ARHGAP22: variants seen among roughly 807,000 people sequenced by gnomAD.
ARHGAP22 encodes Rho GTPase activating protein 22.
Under a neutral mutation model 59.1 loss-of-function variants are expected in ARHGAP22, and 48 were observed. The observed-to-expected ratio is 0.81, with a 90% CI of 0.64 to 1.03. The LOEUF (loss-of-function observed/expected upper bound fraction) is 1.03. Among genes scored for constraint, ARHGAP22 ranks in the 50% least tolerant of loss-of-function variants. The probability of loss-of-function intolerance (pLI) is 0.00; values close to 1 mark genes in which losing one functional copy is unlikely to be tolerated. For synonymous variants in ARHGAP22, 445 were observed against 416.4 expected (o/e 1.07, Z -0.84); for missense variants, 1,015 against 958.7 (o/e 1.06, Z -0.78).
intron 6 of ARHGAP22, 60 bp from the exon 7 acceptor site, chr10:48,454,221 C>A: frequency 6.8e-7 from 1 of 1,474,964 alleles, no homozygotes; most frequent in Non-Finnish European, 9.5e-7. Context: ...TGTTCTCTGA[C>A]TGCGAGGAGG....
At chr10:48,537,829 A>C (rs1014586155) in intron 3 of ARHGAP22, among the ~76,000 whole-genome samples, 6 of 152,152 alleles carry the variant, frequency 3.9e-5, no homozygotes, top group African/African-American at 1.2e-4. Context: ...TGCTGCATGG[A>C]TGGAGGTGCT....
At position 48,479,660 on chromosome 10, in the gene ARHGAP22, C is replaced by T; in HGVS notation, c.427G>A (p.Val143Ile). Residue 143 changes from valine (V) to isoleucine (I), a missense_variant, in exon 4 of 10, where the codon GTC becomes ATC. Transcript: ENST00000249601. Reference protein sequence around the residue: ...MEDWVQAIRRVIWAPLGGGIF... With the variant: ...MEDWVQAIRRIIWAPLGGGIF... ...CCTCCGCCCAGCGGGGCCCAGATGA[C>T]TCGGCGGATGGCCTGCACCCAGTCC... 3 of 1,613,656 alleles carry T rather than the reference C, an allele frequency of 1.9e-6. No homozygotes were observed. The highest frequency in any genetic ancestry group is 2.5e-6 in the Non-Finnish European group (3 of 1,179,934).
At chr10:48,534,138 G>T (rs1454780942) in intron 3 of ARHGAP22, among the ~76,000 whole-genome samples, 5 of 152,370 alleles carry the variant, frequency 3.3e-5, no homozygotes, top group Admixed American at 1.3e-4. Flanking sequence ...CCCAGCTCGG[G>T]CCAATGGGCC....
intron 1 of ARHGAP22, among the ~76,000 whole-genome samples, chr10:48,649,625 C>A (rs545131158): frequency 6.6e-6 from 1 of 152,146 alleles, no homozygotes; most frequent in Non-Finnish European, 1.5e-5. Flanking sequence ...CCAGGCAGAC[C>A]AGTGGTCTGA....
the ARHGAP22 span, chr10:48,431,195 T>C: frequency 1.9e-6 from 3 of 1,596,672 alleles, no homozygotes; most frequent in Admixed American, 1.7e-5. Flanking sequence ...TTTTACAGAA[T>C]TGATATATAA....
At chr10:48,542,058 G>A (rs780183301) in intron 3 of ARHGAP22, among the ~76,000 whole-genome samples, 51 of 152,198 alleles carry the variant, frequency 3.4e-4, no homozygotes, top group Non-Finnish European at 1.5e-4. Context: ...AGCTGTGCAT[G>A]CCCAGCCCTT....
intron 1 of ARHGAP22, among the ~76,000 whole-genome samples, chr10:48,584,270 G>T (rs1397475542): frequency 1.3e-5 from 2 of 152,224 alleles, no homozygotes; most frequent in East Asian, 3.8e-4. Context: ...CACTACACTA[G>T]TGACTGCAGT....
intron 2 of ARHGAP22, among the ~76,000 whole-genome samples, chr10:48,580,036 G>A (rs1051865119): frequency 6.6e-6 from 1 of 152,166 alleles, no homozygotes; most frequent in African/African-American, 2.4e-5. Flanking sequence ...ATGGGAAGAA[G>A]TTTTATTGTC....
chr10:48,575,379 C>A (rs1158092155), intron 2 of ARHGAP22: 1 of 152,140 alleles, frequency 6.6e-6, no homozygotes, highest in East Asian at 1.9e-4. Flanking sequence ...GTTTGGTAAA[C>A]AATGGGGTGG....
chr10:48,514,384 A>G (rs1400848532), intron 3 of ARHGAP22, among the ~76,000 whole-genome samples: 1 of 152,212 alleles, frequency 6.6e-6, no homozygotes, highest in Non-Finnish European at 1.5e-5. Context: ...ATTAAAATTA[A>G]CAGTTGACTT....
intron 2 of ARHGAP22, among the ~76,000 whole-genome samples, chr10:48,577,225 T>A (rs1426544731): frequency 1.3e-5 from 2 of 152,178 alleles, no homozygotes. Context: ...GACTCTTCCG[T>A]ATTTAGAGAT....
chr10:48,636,530 G>A lies in ARHGAP22; in HGVS notation c.52+15704C>T, dbSNP rs76530502. Among the ~76,000 whole-genome samples the A allele has an allele frequency of 7.0e-3, 1,065 of 152,296 alleles. 13 individuals carry two copies. The highest frequency in any genetic ancestry group is 0.024 in the African/African-American group (1,016 of 41,564). On this transcript the variant is annotated intron_variant, in intron 1 of 9. Transcript: ENST00000435790. ...CTGCCCTGAATCCATGGGTTGCATC[G>A]GGGTCCTCCTGTTTCTTGCTGCTCC...
At chr10:48,564,279 A>G (rs771030963) in intron 2 of ARHGAP22, among the ~76,000 whole-genome samples, 99 of 152,352 alleles carry the variant, frequency 6.5e-4, no homozygotes, top group Admixed American at 1.9e-3. Flanking sequence ...CTGTCAACAG[A>G]GGAACGGTTA....
chr10:48,504,821 A>T (rs976023250), intron 3 of ARHGAP22, among the ~76,000 whole-genome samples: 6 of 152,066 alleles, frequency 3.9e-5, no homozygotes, highest in African/African-American at 1.4e-4. Flanking sequence ...CTCAGTGCCT[A>T]TCTGGATCTG....
downstream of ARHGAP22, among the ~76,000 whole-genome samples, chr10:48,441,892 G>A (rs553291288): frequency 1.8e-4 from 27 of 152,178 alleles, no homozygotes; most frequent in Non-Finnish European, 3.5e-4. Flanking sequence ...GCCTCTTACT[G>A]TTACTTGACA....
At chr10:48,522,774 A>G (rs999047188) in intron 3 of ARHGAP22, among the ~76,000 whole-genome samples, 2 of 152,212 alleles carry the variant, frequency 1.3e-5, no homozygotes, top group Admixed American at 6.5e-5. Context: ...TACAATCAGA[A>G]GCTGAGGAAA....
At chr10:48,640,085 G>T (rs1270507885) in intron 1 of ARHGAP22, among the ~76,000 whole-genome samples, 1 of 152,168 alleles carries the variant, frequency 6.6e-6, no homozygotes, top group African/African-American at 2.4e-5. Context: ...ATAAAAATTT[G>T]CTGGAGGAGC....
chr10:48,614,462 A>T (rs4114457), intron 1 of ARHGAP22, among the ~76,000 whole-genome samples: 40,732 of 152,136 alleles, frequency 0.27, 5,481 homozygotes, highest in Admixed American at 0.32. Flanking sequence ...TTATGAAAAA[A>T]GCCCCATACT....
chr10:48,446,115 G>A lies in ARHGAP22; in HGVS notation c.*276C>T, dbSNP rs2045331245. The stretch of plus-strand genomic sequence containing the variant: ...ATCCTGGGCGCCCTCCATTTCTGTG[G>A]CCATGAAGGATATTTCCTGGGTAAG... On this transcript the variant is annotated 3_prime_UTR_variant, in exon 10 of 10. Coordinates refer to ENST00000249601, the MANE Select transcript of ARHGAP22 (RefSeq NM_021226.4). 4.2e-6 allele frequency: 2 copies of A among 475,130 alleles called. No individual in the cohort carries two copies. Among genetic ancestry groups the A allele is most frequent in the South Asian group, 3.6e-5 (1 of 28,078 alleles). 29.4% of individuals were successfully genotyped at this position (475,130 alleles called of 1,614,324 possible).
Sources: gnomAD v4.1 joint callset for allele counts (sites outside exome capture counted in the v4.1 genomes callset) on GRCh38, gnomAD v4.1.1 for gene constraint, MANE v1.5 for transcripts, NCBI Gene and HGNC (gene_info 2026-07-23, HGNC 2026-07-21) for gene names.